Variants in TBC1D22B observed in about 807,000 individuals in gnomAD.
TBC1D22B encodes the protein chromosome 6 open reading frame 197.
A neutral mutation model predicts 69.1 loss-of-function variants in TBC1D22B; 32 were observed. The ratio of observed to expected loss-of-function variants is 0.46; its 90% CI spans 0.35 to 0.62. The LOEUF is 0.62. Among genes scored for constraint, TBC1D22B ranks in the 20% least tolerant of loss-of-function variants. TBC1D22B has a pLI of 0.00. For synonymous variants in TBC1D22B, 206 were observed against 229.8 expected, an observed-to-expected ratio of 0.90 and a Z score of 0.94; for missense variants, 462 against 630.9, an observed-to-expected ratio of 0.73 and a Z score of 2.87.
Position 37,298,539 on chromosome 6 carries a change from G to GTTTTTTTTTTTT in TBC1D22B, c.982+7195_982+7206dup, listed in dbSNP as rs34996865. Among the ~76,000 whole-genome samples the GTTTTTTTTTTTT allele has an allele frequency of 9.4e-4, 67 of 71,258 alleles. 4 individuals are homozygous for GTTTTTTTTTTTT. Among genetic ancestry groups the GTTTTTTTTTTTT allele is most frequent in the African/African-American group, 3.7e-3 (61 of 16,302 alleles). The allele number at this position is 71,258 out of a possible 152,430, so 46.7% of individuals were successfully genotyped here. A position where few individuals can be genotyped will look rare whatever the true frequency, so the allele number is the denominator to read the frequency against. ...TAGAAGAACATTTAAGTTGCCTACA[G>GTTTTTTTTTTTT]TTTTTTTTTTTTTTTTTTTTTTTTG... On this transcript the variant is annotated intron_variant, in intron 8 of 12. Coordinates refer to ENST00000373491, the MANE Select transcript of TBC1D22B (RefSeq NM_017772.4).
At chr6:37,266,121 G>A (rs1293297858) in intron 1 of TBC1D22B, among the ~76,000 whole-genome samples, 1 of 152,062 alleles carries the variant, frequency 6.6e-6, no homozygotes, top group South Asian at 2.1e-4. Context: ...TCAACATATC[G>A]TCCCACTTAA....
rs992027895 is a variant in TBC1D22B, at chr6:37,307,310, CTCAG to C, written c.983-5602_983-5599del. On this transcript the variant is annotated intron_variant, in intron 8 of 12. Coordinates refer to ENST00000373491, the MANE Select transcript of TBC1D22B (RefSeq NM_017772.4). ...TGGTCAAAAATATTTTTTTATTTTT[CTCAG>C]TCAGTTTACTTTTGTTATGAGAAAT... is the stretch of plus-strand genomic sequence containing the variant. Among the ~76,000 whole-genome samples, 37 of 150,008 alleles carry C rather than the reference CTCAG, an allele frequency of 2.5e-4. 1 individual carries two copies. Among genetic ancestry groups the C allele is most frequent in the Middle Eastern group, 6.9e-3 (2 of 290 alleles).
At chr6:37,282,457 T>C in intron 4 of TBC1D22B, 93 bp downstream of exon 4, 1 of 1,392,384 alleles carries the variant, frequency 7.2e-7, no homozygotes, top group East Asian at 2.4e-5. Flanking sequence ...TTCCTTCTTT[T>C]ACTTTTCTAG....
chr6:37,263,360 C>G (rs1346350065), intron 1 of TBC1D22B, among the ~76,000 whole-genome samples: 1 of 152,104 alleles, frequency 6.6e-6, no homozygotes, highest in Non-Finnish European at 1.5e-5. Context: ...ATGCAAAGAG[C>G]AAGATGTAGA....
intron 8 of TBC1D22B, among the ~76,000 whole-genome samples, chr6:37,302,602 A>G (rs185089178): frequency 1.1e-3 from 165 of 152,354 alleles, no homozygotes; most frequent in African/African-American, 3.5e-3. Flanking sequence ...TGCAACACCA[A>G]TTATCAAGTA....
chr6:37,258,176 G>C, intron 1 of TBC1D22B: 3 of 598,434 alleles, frequency 5.0e-6, no homozygotes, highest in South Asian at 4.3e-5. Flanking sequence ...TGTAGACCGG[G>C]GTCTGGGGGC....
intron 8 of TBC1D22B, among the ~76,000 whole-genome samples, chr6:37,294,213 A>AT (rs944132120): frequency 1.1e-4 from 17 of 152,122 alleles, no homozygotes; most frequent in African/African-American, 4.1e-4. Context: ...AAATTTAATT[A>AT]TTTTTTTAAG....
intron 8 of TBC1D22B, among the ~76,000 whole-genome samples, chr6:37,307,546 G>A (rs149714): frequency 0.84 from 127,209 of 151,714 alleles, 53,609 homozygotes; most frequent in South Asian, 0.91. Context: ...GGTAGAGACG[G>A]GGTTTCACCA....
intron 3 of TBC1D22B, among the ~76,000 whole-genome samples, chr6:37,281,809 G>A (rs900453881): frequency 3.3e-5 from 5 of 152,032 alleles, no homozygotes; most frequent in African/African-American, 1.2e-4. Flanking sequence ...TCCAAGTTAG[G>A]GTAGAAAGAA....
chr6:37,286,923 GA>G lies in TBC1D22B; in HGVS notation c.802-83del. 2.4e-6 allele frequency: 3 copies of G among 1,253,122 alleles called. No homozygotes were observed. The South Asian group carries it at 3.8e-5, about 16-fold the overall frequency. 77.6% of individuals were successfully genotyped at this position (1,253,122 alleles called of 1,614,324 possible). A position where few individuals can be genotyped will look rare whatever the true frequency, so the allele number is the denominator to read the frequency against. ...AGTGCCATTGCACTCCAGCCTGGGG[GA>G]CAAGAGCGAGACTTCATCTCAAAAA... is the stretch of plus-strand genomic sequence containing the variant. On this transcript the variant is annotated intron_variant, in intron 6 of 12. Transcript: ENST00000373491.
At chr6:37,297,696 T>A (rs973113191) in intron 8 of TBC1D22B, among the ~76,000 whole-genome samples, 1 of 152,238 alleles carries the variant, frequency 6.6e-6, no homozygotes, top group African/African-American at 2.4e-5. Context: ...AGTAGAAGTA[T>A]GTTTATTAAA....
In TBC1D22B at chr6:37,303,269, G is replaced by A. The variant is rs193194334; in HGVS notation, c.983-9649G>A. Among the ~76,000 whole-genome samples, 207 of 152,244 alleles carry A rather than the reference G, an allele frequency of 1.4e-3. 1 individual carries two copies. Among genetic ancestry groups the A allele is most frequent in the African/African-American group, 4.7e-3 (196 of 41,524 alleles). Reference sequence around the variant, plus strand: ...GCTATTCTTAGGCTCCTCAGACTCGGTGTTTGGCTCTTCTCCTTCCCTTAC... The same window carrying A: ...GCTATTCTTAGGCTCCTCAGACTCGATGTTTGGCTCTTCTCCTTCCCTTAC... On this transcript the variant is annotated intron_variant, in intron 8 of 12. Coordinates refer to ENST00000373491, the MANE Select transcript of TBC1D22B (RefSeq NM_017772.4).
At chr6:37,324,880 A>C (rs1768349729) in intron 12 of TBC1D22B, among the ~76,000 whole-genome samples, 1 of 152,200 alleles carries the variant, frequency 6.6e-6, no homozygotes, top group Non-Finnish European at 1.5e-5. Flanking sequence ...CAATTTCCTC[A>C]TCTGTAAAAT....
chr6:37,261,927 A>C (rs560089870), intron 1 of TBC1D22B, among the ~76,000 whole-genome samples: 1 of 146,596 alleles, frequency 6.8e-6, no homozygotes, highest in South Asian at 2.2e-4. Flanking sequence ...TGGGGGAAAA[A>C]TAAAAAAGCT....
chr6:37,270,814 G>C (rs897159468), intron 2 of TBC1D22B, among the ~76,000 whole-genome samples: 1 of 152,174 alleles, frequency 6.6e-6, no homozygotes, highest in African/African-American at 2.4e-5. Flanking sequence ...CTGTGTATTA[G>C]TAGCTGCCCT....
chr6:37,296,557 C>G (rs140407869), intron 8 of TBC1D22B, among the ~76,000 whole-genome samples: 1 of 151,950 alleles, frequency 6.6e-6, no homozygotes. Context: ...GCCACATTGC[C>G]GAGGCTCGTC....
chr6:37,299,961 A>T (rs929410102), intron 8 of TBC1D22B, among the ~76,000 whole-genome samples: 16 of 150,420 alleles, frequency 1.1e-4, no homozygotes, highest in Non-Finnish European at 2.2e-4. Flanking sequence ...GTGAGCCGAG[A>T]TCACGCCACT....
At chr6:37,265,545 T>C (rs995072618) in intron 1 of TBC1D22B, among the ~76,000 whole-genome samples, 30 of 151,366 alleles carry the variant, frequency 2.0e-4, no homozygotes, top group South Asian at 2.1e-4. Flanking sequence ...TTTTTTTTTT[T>C]CCCGTGGTCA....
chr6:37,275,076 G>C (rs1766624524), intron 2 of TBC1D22B, among the ~76,000 whole-genome samples: 1 of 151,634 alleles, frequency 6.6e-6, no homozygotes, highest in Non-Finnish European at 1.5e-5. Context: ...AAATAATCTT[G>C]GTTAGACTTC....
Sources: gnomAD v4.1 joint callset for allele counts (sites outside exome capture counted in the v4.1 genomes callset) on GRCh38, gnomAD v4.1.1 for gene constraint, MANE v1.5 for transcripts, NCBI Gene and HGNC (gene_info 2026-07-23, HGNC 2026-07-21) for gene names.